DIAPH3: variants seen among roughly 807,000 people sequenced by gnomAD.
DIAPH3 encodes the protein diaphanous related formin 3.
Under a neutral mutation model 144.3 loss-of-function variants are expected in DIAPH3, and 117 were observed. The ratio of observed to expected loss-of-function variants is 0.81; its 90% CI spans 0.70 to 0.95. DIAPH3 has a LOEUF of 0.95. Ranked by LOEUF, DIAPH3 falls within the 40% of genes least tolerant of loss-of-function variation. The pLI is 0.00. For synonymous variants in DIAPH3, 519 were observed against 488.9 expected, an observed-to-expected ratio of 1.06 and a Z score of -0.81; for missense variants, 1,421 against 1,412.7, an observed-to-expected ratio of 1.01 and a Z score of -0.09.
At chr13:59,686,300 A>C (rs770191176) in intron 27 of DIAPH3, among the ~76,000 whole-genome samples, 5 of 152,078 alleles carry the variant, frequency 3.3e-5, no homozygotes, top group Non-Finnish European at 5.9e-5. Context: ...CTAAGCTGTA[A>C]ATTTGCCAGT....
intron 27 of DIAPH3, among the ~76,000 whole-genome samples, chr13:59,756,456 G>A (rs144066155): frequency 1.0e-4 from 11 of 106,480 alleles, no homozygotes; most frequent in East Asian, 5.2e-4. Context: ...AAGGAAGGAA[G>A]GAAGGAAGGA....
At chr13:60,099,091 TAAAGTTCTATTAA>T (rs919654600) in intron 3 of DIAPH3, among the ~76,000 whole-genome samples, 8 of 152,230 alleles carry the variant, frequency 5.3e-5, no homozygotes, top group African/African-American at 1.7e-4. Context: ...TTTTTGATGT[TAAAGTTCTATTAA>T]AAAGTTCTAT....
intron 27 of DIAPH3, among the ~76,000 whole-genome samples, chr13:59,730,210 G>T (rs2035829181): frequency 6.6e-6 from 1 of 152,150 alleles, no homozygotes. Context: ...GGCAGCAACT[G>T]GCTTCTTCAG....
intron 19 of DIAPH3, among the ~76,000 whole-genome samples, chr13:59,912,883 C>T (rs1169446742): frequency 6.6e-6 from 1 of 152,092 alleles, no homozygotes; most frequent in African/African-American, 2.4e-5. Context: ...TATTGACTCA[C>T]TGTGTACCTT....
intron 25 of DIAPH3, among the ~76,000 whole-genome samples, chr13:59,806,170 TA>T (rs1011391922): frequency 1.3e-5 from 2 of 151,948 alleles, no homozygotes; most frequent in African/African-American, 4.8e-5. Context: ...GAAAATAAGC[TA>T]AAACAAAAAG....
At chr13:59,812,144 C>T (rs1003546032) in intron 24 of DIAPH3, among the ~76,000 whole-genome samples, 1 of 152,074 alleles carries the variant, frequency 6.6e-6, no homozygotes, top group Admixed American at 6.5e-5. Flanking sequence ...AGAGTTAGTA[C>T]AAGTTCTTCA....
At chr13:60,129,881 T>C (rs576958751) in intron 2 of DIAPH3, among the ~76,000 whole-genome samples, 5 of 152,262 alleles carry the variant, frequency 3.3e-5, no homozygotes, top group African/African-American at 1.2e-4. Flanking sequence ...CATTGATCTA[T>C]AACATATACC....
chr13:59,715,250 C>T (rs1023582862), intron 27 of DIAPH3, among the ~76,000 whole-genome samples: 2 of 152,132 alleles, frequency 1.3e-5, no homozygotes, highest in African/African-American at 2.4e-5. Flanking sequence ...GAAGACAGCA[C>T]AAATTATCTG....
At chr13:59,738,404 C>T (rs762080101) in intron 27 of DIAPH3, among the ~76,000 whole-genome samples, 12 of 152,082 alleles carry the variant, frequency 7.9e-5, no homozygotes, top group Non-Finnish European at 1.6e-4. Context: ...AGAGGAGCCT[C>T]CAGGGAAACA....
chr13:59,979,489 A>G (rs767485137), intron 14 of DIAPH3, among the ~76,000 whole-genome samples: 9 of 151,552 alleles, frequency 5.9e-5, no homozygotes, highest in Non-Finnish European at 1.2e-4. Flanking sequence ...TGTTTCCCCC[A>G]CTAAACTAAG....
At chr13:60,105,102 A>AAAAAAAAAAAC (rs2058379028) in intron 3 of DIAPH3, among the ~76,000 whole-genome samples, 10 of 114,808 alleles carry the variant, frequency 8.7e-5, no homozygotes, top group Admixed American at 1.8e-4. Flanking sequence ...ACGATCTCAA[A>AAAAAAAAAAAC]AAAAAAAAAA....
chr13:59,784,979 T>C (rs1016805922), intron 25 of DIAPH3, among the ~76,000 whole-genome samples: 1 of 152,188 alleles, frequency 6.6e-6, no homozygotes, highest in Non-Finnish European at 1.5e-5. Flanking sequence ...AGTCTTTAAC[T>C]AGCTAGAACA....
At chr13:59,839,146 G>A in intron 23 of DIAPH3, 178 bp downstream of exon 23, 1 of 604,798 alleles carries the variant, frequency 1.7e-6, no homozygotes. Context: ...AGACATTTGT[G>A]TATTATTCAT....
At chr13:59,961,073 G>C (rs1193740404) in intron 17 of DIAPH3, among the ~76,000 whole-genome samples, 1 of 152,064 alleles carries the variant, frequency 6.6e-6, no homozygotes, top group Non-Finnish European at 1.5e-5. Flanking sequence ...TATTAACATA[G>C]GTCAGTTAAC....
intron 25 of DIAPH3, among the ~76,000 whole-genome samples, chr13:59,777,507 GCAAAAACTATT>G (rs1240094796): frequency 6.6e-6 from 1 of 152,134 alleles, no homozygotes; most frequent in Non-Finnish European, 1.5e-5. Flanking sequence ...ATCAACGGTT[GCAAAAACTATT>G]GTGCATAAGG....
chr13:59,784,241 C>T (rs1388483212), intron 25 of DIAPH3, among the ~76,000 whole-genome samples: 2 of 151,890 alleles, frequency 1.3e-5, no homozygotes, highest in African/African-American at 2.4e-5. Context: ...CGCCACCACA[C>T]CAGCTAATTT....
chr13:59,884,781 CAA>C (rs34055848), intron 20 of DIAPH3, among the ~76,000 whole-genome samples: 4 of 136,530 alleles, frequency 2.9e-5, no homozygotes, highest in Admixed American at 7.4e-5. Context: ...AGAAAGGCTT[CAA>C]AAAAAAAAAA....
At chr13:60,089,735 C>A (rs1424488007) in intron 4 of DIAPH3, among the ~76,000 whole-genome samples, 2 of 152,160 alleles carry the variant, frequency 1.3e-5, no homozygotes, top group African/African-American at 4.8e-5. Context: ...TGTTAAACAT[C>A]TGAGTTGAGT....
At chr13:60,067,703 A>T (rs1306583435) in intron 4 of DIAPH3, among the ~76,000 whole-genome samples, 5 of 152,088 alleles carry the variant, frequency 3.3e-5, no homozygotes, top group Admixed American at 3.3e-4. Flanking sequence ...AATCTATATT[A>T]CCCTTTTAAT....
Sources: allele counts gnomAD v4.1 joint callset (sites outside exome capture counted in the v4.1 genomes callset), GRCh38; gene constraint gnomAD v4.1.1; transcripts MANE v1.5; gene names NCBI Gene and HGNC (gene_info 2026-07-23, HGNC 2026-07-21).